FBXL17: variants seen among roughly 807,000 people sequenced by gnomAD.
The protein encoded by FBXL17 is F-box/LRR-repeat protein 17.
FBXL17 carries 22 observed loss-of-function variants against 66.2 expected under a neutral mutation model. That is an observed-to-expected ratio of 0.33 (90% CI 0.24 to 0.47). FBXL17 has a LOEUF of 0.47. Among genes scored for constraint, FBXL17 ranks in the 20% least tolerant of loss-of-function variants. FBXL17 has a pLI of 1.00. For missense variants in FBXL17, 878 were observed against 948.2 expected, an observed-to-expected ratio of 0.93 and a Z score of 0.97; for synonymous variants, 474 against 400.5, an observed-to-expected ratio of 1.18 and a Z score of -2.19.
At chr5:108,242,767 A>G (rs183988119) in intron 4 of FBXL17, among the ~76,000 whole-genome samples, 1 of 152,282 alleles carries the variant, frequency 6.6e-6, no homozygotes, top group East Asian at 1.9e-4. Flanking sequence ...ATTTTAATAT[A>G]TCTATAAAAG....
chr5:108,361,638 G>A (rs1462048441), intron 3 of FBXL17, among the ~76,000 whole-genome samples: 1 of 152,012 alleles, frequency 6.6e-6, no homozygotes, highest in Non-Finnish European at 1.5e-5. Flanking sequence ...CTTTCTCCTA[G>A]GTCAATTGTA....
chr5:107,867,572 C>T (rs1262464619), intron 8 of FBXL17, among the ~76,000 whole-genome samples: 1 of 152,204 alleles, frequency 6.6e-6, no homozygotes, highest in Admixed American at 6.5e-5. Context: ...GGAGGGCAGA[C>T]CATTTGGAAA....
intron 6 of FBXL17, among the ~76,000 whole-genome samples, chr5:108,112,629 T>G (rs927582375): frequency 1.3e-5 from 2 of 152,064 alleles, no homozygotes; most frequent in African/African-American, 2.4e-5. Flanking sequence ...TCAATATAAA[T>G]AGACATATAA....
chr5:108,275,523 AT>A (rs746203553), intron 4 of FBXL17, among the ~76,000 whole-genome samples: 1 of 152,152 alleles, frequency 6.6e-6, no homozygotes, highest in Non-Finnish European at 1.5e-5. Flanking sequence ...AATAGGTCAA[AT>A]GTTTTACTAT....
intron 4 of FBXL17, among the ~76,000 whole-genome samples, chr5:108,264,230 A>AG (rs1027594640): frequency 6.6e-6 from 1 of 150,988 alleles, no homozygotes; most frequent in Non-Finnish European, 1.5e-5. Flanking sequence ...AAAAAAAAAA[A>AG]AAAAAAAAAA....
chr5:108,125,312 T>C (rs1429400571), intron 6 of FBXL17, among the ~76,000 whole-genome samples: 2 of 151,940 alleles, frequency 1.3e-5, no homozygotes, highest in African/African-American at 4.8e-5. Context: ...AAAAATTAAA[T>C]AAATAAGTAA....
intron 3 of FBXL17, among the ~76,000 whole-genome samples, chr5:108,361,309 T>C (rs1463707532): frequency 6.6e-6 from 1 of 152,170 alleles, no homozygotes; most frequent in African/African-American, 2.4e-5. Flanking sequence ...AGAGATTTCC[T>C]TGGATGCCAA....
chr5:108,149,502 A>G (rs1751687700), intron 6 of FBXL17, among the ~76,000 whole-genome samples: 1 of 152,184 alleles, frequency 6.6e-6, no homozygotes, highest in Non-Finnish European at 1.5e-5. Context: ...AGTGTGTTAC[A>G]CATGTGTTAA....
intron 6 of FBXL17, among the ~76,000 whole-genome samples, chr5:108,045,080 C>A (rs1047487316): frequency 2.0e-5 from 3 of 152,034 alleles, no homozygotes; most frequent in Admixed American, 2.0e-4. Flanking sequence ...TTCAAAGAAC[C>A]AGCTCTTGGC....
intron 3 of FBXL17, among the ~76,000 whole-genome samples, chr5:108,353,157 G>C (rs954226752): frequency 1.3e-5 from 2 of 152,126 alleles, no homozygotes; most frequent in South Asian, 2.1e-4. Context: ...TTGCCAATCT[G>C]TTCTAAAAAA....
chr5:108,255,168 AT>A (rs1756522447), intron 4 of FBXL17, among the ~76,000 whole-genome samples: 1 of 152,196 alleles, frequency 6.6e-6, no homozygotes, highest in African/African-American at 2.4e-5. Flanking sequence ...AATAAAATAC[AT>A]TTTTTGCAAA....
intron 6 of FBXL17, among the ~76,000 whole-genome samples, chr5:108,085,873 G>A (rs1355985224): frequency 1.3e-5 from 2 of 152,162 alleles, no homozygotes; most frequent in Admixed American, 1.3e-4. Context: ...GCAGTGATCC[G>A]AGATTATGGC....
intron 3 of FBXL17, among the ~76,000 whole-genome samples, chr5:108,363,090 A>C (rs947811653): frequency 6.6e-6 from 1 of 152,008 alleles, no homozygotes; most frequent in Non-Finnish European, 1.5e-5. Context: ...TCAGTTTACT[A>C]AAACCATAAT....
chr5:108,203,758 T>A (rs1561462612), intron 5 of FBXL17, among the ~76,000 whole-genome samples: 1 of 152,166 alleles, frequency 6.6e-6, no homozygotes. Context: ...ACCAATCGAT[T>A]GTTTGAAAAT....
chr5:107,932,017 A>C (rs1448053499), intron 7 of FBXL17, among the ~76,000 whole-genome samples: 1 of 152,160 alleles, frequency 6.6e-6, no homozygotes, highest in Non-Finnish European at 1.5e-5. Context: ...AATTCAGTAG[A>C]TCTGGAGTGG....
At chr5:107,899,251 G>C (rs914312409) in intron 7 of FBXL17, among the ~76,000 whole-genome samples, 1 of 152,122 alleles carries the variant, frequency 6.6e-6, no homozygotes, top group African/African-American at 2.4e-5. Context: ...AGAACACAGT[G>C]TACAATACAT....
At chr5:107,889,881 A>G (rs1187698782) in intron 7 of FBXL17, among the ~76,000 whole-genome samples, 3 of 152,188 alleles carry the variant, frequency 2.0e-5, no homozygotes, top group Non-Finnish European at 2.9e-5. Context: ...ACTTCCAAAA[A>G]TGTCAAAAAC....
At chr5:108,046,501 T>A (rs1403082118) in intron 6 of FBXL17, among the ~76,000 whole-genome samples, 1 of 152,202 alleles carries the variant, frequency 6.6e-6, no homozygotes, top group Non-Finnish European at 1.5e-5. Context: ...TTCTATTTGT[T>A]TTCTCTGTTT....
chr5:108,016,213 G>A (rs932947824), intron 7 of FBXL17, among the ~76,000 whole-genome samples: 3 of 152,142 alleles, frequency 2.0e-5, no homozygotes, highest in African/African-American at 7.2e-5. Flanking sequence ...AAGCCACATG[G>A]TTATGTTAAA....
Sources: gnomAD v4.1 joint callset for allele counts (sites outside exome capture counted in the v4.1 genomes callset) on GRCh38, gnomAD v4.1.1 for gene constraint, MANE v1.5 for transcripts, NCBI Gene and HGNC (gene_info 2026-07-23, HGNC 2026-07-21) for gene names.